LPP: variants seen among roughly 807,000 people sequenced by gnomAD.
LPP encodes the protein LIM domain containing preferred translocation partner in lipoma.
A neutral mutation model predicts 60.4 loss-of-function variants in LPP; 38 were observed. That is an observed-to-expected ratio of 0.63 (90% confidence interval 0.49 to 0.83). The LOEUF is 0.83. Ranked by LOEUF, LPP falls within the 40% of genes least tolerant of loss-of-function variation. LPP has a pLI of 0.00. For synonymous variants in LPP, 328 were observed against 290.8 expected (o/e 1.13, Z -1.30); for missense variants, 902 against 783.6 (o/e 1.15, Z -1.80).
At chr3:188,739,636 A>C (rs1338037336) in intron 8 of LPP, among the ~76,000 whole-genome samples, 1 of 152,078 alleles carries the variant, frequency 6.6e-6, no homozygotes, top group Non-Finnish European at 1.5e-5. Context: ...CTAGAAATCT[A>C]ACTCATAAAA....
At chr3:188,462,983 G>A (rs1799511148) in intron 4 of LPP, among the ~76,000 whole-genome samples, 1 of 151,982 alleles carries the variant, frequency 6.6e-6, no homozygotes, top group South Asian at 2.1e-4. Context: ...GGGGGCACTT[G>A]TAATCCCAGC....
At chr3:188,215,416 A>G (rs1713162985) in intron 1 of LPP, among the ~76,000 whole-genome samples, 1 of 152,020 alleles carries the variant, frequency 6.6e-6, no homozygotes, top group African/African-American at 2.4e-5. Flanking sequence ...CTTTGTACCT[A>G]TAAGCAACAG....
intron 3 of LPP, among the ~76,000 whole-genome samples, chr3:188,360,962 A>G (rs1253209537): frequency 6.6e-6 from 1 of 152,246 alleles, no homozygotes; most frequent in African/African-American, 2.4e-5. Flanking sequence ...AAATGCAATG[A>G]TGCTAATAGT....
chr3:188,246,178 T>G (rs1278830433), intron 2 of LPP, among the ~76,000 whole-genome samples: 1 of 151,816 alleles, frequency 6.6e-6, no homozygotes, highest in African/African-American at 2.4e-5. Flanking sequence ...AACTAGATGC[T>G]GTCTACAACT....
chr3:188,376,391 A>G (rs1393990832), intron 3 of LPP, among the ~76,000 whole-genome samples: 3 of 152,028 alleles, frequency 2.0e-5, no homozygotes, highest in Non-Finnish European at 2.9e-5. Flanking sequence ...GGGTGCTCCT[A>G]TATTGGGTGC....
intron 2 of LPP, among the ~76,000 whole-genome samples, chr3:188,318,418 C>CAAA (rs397946048): frequency 0.074 from 9,604 of 130,040 alleles, 344 homozygotes; most frequent in South Asian, 0.12. Context: ...TCCAAAAAAA[C>CAAA]AAAAAAAAAA....
At chr3:188,834,922 T>A (rs546401635) in intron 9 of LPP, among the ~76,000 whole-genome samples, 1 of 152,164 alleles carries the variant, frequency 6.6e-6, no homozygotes, top group African/African-American at 2.4e-5. Flanking sequence ...ACAAAATTCA[T>A]CTTAGCCTTC....
intron 2 of LPP, among the ~76,000 whole-genome samples, chr3:188,241,226 T>A (rs543770448): frequency 6.6e-6 from 1 of 152,306 alleles, no homozygotes; most frequent in African/African-American, 2.4e-5. Context: ...CAACCTGCTG[T>A]TATCTGCGCA....
chr3:188,425,177 G>A (rs553979009), intron 4 of LPP, among the ~76,000 whole-genome samples: 50 of 152,208 alleles, frequency 3.3e-4, no homozygotes, highest in African/African-American at 1.2e-3. Context: ...TTTGTTGAAG[G>A]ACTTTTCTGC....
intron 3 of LPP, among the ~76,000 whole-genome samples, chr3:188,388,305 A>G (rs916798142): frequency 6.6e-6 from 1 of 152,236 alleles, no homozygotes; most frequent in Non-Finnish European, 1.5e-5. Context: ...ATTTCGTGCA[A>G]TCACAGTTAG....
intron 6 of LPP, 91 bp downstream of exon 6, chr3:188,524,878 C>CCCTTCCTT (rs796218931): frequency 4.7e-6 from 3 of 634,146 alleles, no homozygotes; most frequent in African/African-American, 4.3e-5. Context: ...AGCTTATTTC[C>CCCTTCCTT]CCTTCCTTCC....
At chr3:188,603,336 T>C (rs1184284521) in intron 6 of LPP, among the ~76,000 whole-genome samples, 5 of 99,328 alleles carry the variant, frequency 5.0e-5, no homozygotes, top group Admixed American at 1.3e-4. Context: ...GATAGACTGA[T>C]AAAGAATTTT....
chr3:188,399,998 C>T (rs6444285), intron 3 of LPP, among the ~76,000 whole-genome samples: 92,335 of 152,004 alleles, frequency 0.61, 29,175 homozygotes, highest in African/African-American at 0.79. Flanking sequence ...TTCCCACCTA[C>T]GTGGGGCGGG....
intron 2 of LPP, chr3:188,240,080 G>C (rs1723420549): frequency 1.0e-5 from 2 of 197,072 alleles, no homozygotes; most frequent in South Asian, 3.8e-4. Context: ...CTGTCCTGTA[G>C]TTCATGGAGC....
chr3:188,476,430 A>G (rs1282021383), intron 4 of LPP, among the ~76,000 whole-genome samples: 2 of 152,290 alleles, frequency 1.3e-5, no homozygotes, highest in South Asian at 2.1e-4. Flanking sequence ...TTTCCTTAAC[A>G]TGCTCCTCTG....
chr3:188,722,592 A>C (rs529117509), intron 8 of LPP, among the ~76,000 whole-genome samples: 109 of 152,286 alleles, frequency 7.2e-4, no homozygotes, highest in Admixed American at 1.4e-3. Context: ...CTTTAAAATG[A>C]GTGTTATTTT....
At chr3:188,736,650 A>G (rs572307765) in intron 8 of LPP, among the ~76,000 whole-genome samples, 1 of 152,108 alleles carries the variant, frequency 6.6e-6, no homozygotes, top group East Asian at 1.9e-4. Flanking sequence ...AGATGGATGG[A>G]TGGATGGATG....
At chr3:188,567,737 C>T (rs919775456) in intron 6 of LPP, among the ~76,000 whole-genome samples, 3 of 151,952 alleles carry the variant, frequency 2.0e-5, no homozygotes, top group African/African-American at 7.2e-5. Flanking sequence ...TCAGATATTA[C>T]ACAACTGCCA....
chr3:188,303,389 A>T (rs192360540), intron 2 of LPP, among the ~76,000 whole-genome samples: 1 of 152,346 alleles, frequency 6.6e-6, no homozygotes, highest in African/African-American at 2.4e-5. Flanking sequence ...CAGTGCCTAG[A>T]GTAGTACCTG....
Sources: allele counts gnomAD v4.1 joint callset (sites outside exome capture counted in the v4.1 genomes callset), GRCh38; gene constraint gnomAD v4.1.1; transcripts MANE v1.5; gene names NCBI Gene and HGNC (gene_info 2026-07-23, HGNC 2026-07-21).